The following NEO1 variants were observed in gnomAD, a reference collection of about 807,000 sequenced individuals.
The protein encoded by NEO1 is neogenin 1, also known as neogenin.
NEO1 carries 63 observed loss-of-function variants against 159.7 expected under a neutral mutation model. That is an observed-to-expected ratio of 0.39 (90% confidence interval 0.32 to 0.49). NEO1 has a LOEUF of 0.49. Among genes scored for constraint, NEO1 ranks in the 20% least tolerant of loss-of-function variants. The pLI is 0.85. For missense variants in NEO1, 1,615 were observed against 1,831.0 expected, an observed-to-expected ratio of 0.88 and a Z score of 2.15; for synonymous variants, 633 against 662.0, an observed-to-expected ratio of 0.96 and a Z score of 0.67.
At chr15:73,183,024 C>T (rs1055070473) in intron 7 of NEO1, among the ~76,000 whole-genome samples, 5 of 152,182 alleles carry the variant, frequency 3.3e-5, no homozygotes, top group Non-Finnish European at 7.4e-5. Context: ...GCAAGGCCAA[C>T]TATGGCCTAA....
intron 7 of NEO1, among the ~76,000 whole-genome samples, chr15:73,186,966 C>CTCTG (rs1448716919): frequency 6.6e-6 from 1 of 152,158 alleles, no homozygotes; most frequent in Non-Finnish European, 1.5e-5. Flanking sequence ...AATATGCTTA[C>CTCTG]TCTGGTCTAA....
At position 73,139,612 on chromosome 15, in the gene NEO1, A is replaced by T. The variant is rs549960658; in HGVS notation, c.1015+3585A>T. 3.3e-5 allele frequency among the ~76,000 whole-genome samples: 5 copies of T among 152,366 alleles called. No homozygotes were observed. The South Asian group carries it at 1.0e-3, about 32-fold the overall frequency. On this transcript the variant is annotated intron_variant, in intron 5 of 28. Transcript: ENST00000261908. ...TCTAGACCCGGGGTTGGCAGAGTAC[A>T]GCTTGTGGGCTAAATCTTCCTGACT...
At chr15:73,268,852 A>G (rs1170011493) in intron 16 of NEO1, among the ~76,000 whole-genome samples, 4 of 152,200 alleles carry the variant, frequency 2.6e-5, no homozygotes, top group African/African-American at 9.7e-5. Flanking sequence ...CTCCATGAGT[A>G]TAGACTTTCC....
chr15:73,266,731 T>C (rs912575819), intron 16 of NEO1, among the ~76,000 whole-genome samples: 4 of 152,272 alleles, frequency 2.6e-5, no homozygotes, highest in Admixed American at 2.6e-4. Flanking sequence ...GAGTTGAAAC[T>C]AAAGTGAGTC....
At chr15:73,083,269 G>T (rs2069167413) in intron 1 of NEO1, among the ~76,000 whole-genome samples, 1 of 152,116 alleles carries the variant, frequency 6.6e-6, no homozygotes, top group South Asian at 2.1e-4. Flanking sequence ...GGACTAGAGA[G>T]TGTAAATGGG....
intron 7 of NEO1, among the ~76,000 whole-genome samples, chr15:73,202,456 T>G (rs957457086): frequency 6.6e-6 from 1 of 152,178 alleles, no homozygotes; most frequent in Admixed American, 6.6e-5. Context: ...GGATGGGGCA[T>G]AAGAGGAGCA....
Position 73,122,874 on chromosome 15 carries a change from AAAT to A in NEO1, c.724+78_724+80del, listed in dbSNP as rs1397714636. Reference sequence around the variant, plus strand: ...AACATTGTTCTGTTAGAATTTTTAAAAATAATGAATGTTGGCCGGGCGCAGTGG... The same window carrying A: ...AACATTGTTCTGTTAGAATTTTTAAAAATGAATGTTGGCCGGGCGCAGTGG... On this transcript the variant is annotated intron_variant, in intron 3 of 28. Coordinates refer to ENST00000261908, the MANE Select transcript of NEO1 (RefSeq NM_002499.4). 12 of 1,563,676 alleles carry A rather than the reference AAAT, an allele frequency of 7.7e-6. No homozygotes were observed. The East Asian group carries it at 2.7e-4, about 35-fold the overall frequency.
chr15:73,249,531 A>T, intron 10 of NEO1, 52 bp from the exon 11 acceptor site: 1 of 1,515,136 alleles, frequency 6.6e-7, no homozygotes, highest in South Asian at 1.4e-5. Context: ...TTAATTTTCA[A>T]CTTTTCTTTT....
rs77984848 is a variant in NEO1 at position 73,274,433 on chromosome 15, A to G, written c.3161-259A>G. The stretch of plus-strand genomic sequence containing the variant: ...AGAGACTAAAAAGAGCCTTTTAAAT[A>G]AAACCCTAGATAAGAAAATGAAGAT... On this transcript the variant is annotated intron_variant, in intron 20 of 28. Coordinates refer to ENST00000261908, the MANE Select transcript of NEO1 (RefSeq NM_002499.4). Among the ~76,000 whole-genome samples the G allele has an allele frequency of 8.6e-3, 1,316 of 152,336 alleles. 22 individuals are homozygous for G. The highest frequency in any genetic ancestry group is 0.03 in the African/African-American group (1,244 of 41,576).
intron 5 of NEO1, among the ~76,000 whole-genome samples, chr15:73,146,479 A>G (rs2032908684): frequency 6.6e-6 from 1 of 152,204 alleles, no homozygotes. Flanking sequence ...AGTCTTTACA[A>G]TTGCTTTATA....
chr15:73,178,308 A>T lies in NEO1; in HGVS notation c.1172A>T (p.Lys391Met). 4 of 1,611,142 alleles carry T rather than the reference A, an allele frequency of 2.5e-6. No individual in the cohort carries two copies. The highest frequency in any genetic ancestry group is 3.4e-6 in the Non-Finnish European group (4 of 1,178,162). ...TTTATTTATGCTTTTCTTCTTCAGAAGGAACATAATCTTCAAGTTTTGGGT... is the reference window on the plus strand; with the variant it reads ...TTTATTTATGCTTTTCTTCTTCAGATGGAACATAATCTTCAAGTTTTGGGT... ...VIPSDYFKIV[K>M]EHNLQVLGLV... The change falls in exon 7 of 29, where the codon AAG becomes ATG. Residue 391 changes from lysine to methionine, a missense_variant and splice_region_variant. Around this residue, in one of 3 missense-constraint regions of NEO1, gnomAD observed 1,018 missense variants for 1,115.4 expected, o/e 0.91. Coordinates refer to ENST00000261908, the MANE Select transcript of NEO1 (RefSeq NM_002499.4).
intron 1 of NEO1, among the ~76,000 whole-genome samples, chr15:73,115,404 ATTTG>A (rs1477624169): frequency 1.3e-5 from 2 of 152,186 alleles, no homozygotes; most frequent in African/African-American, 4.8e-5. Context: ...TAGAATTAGA[ATTTG>A]TTTATCATTG....
rs1487809660 is a variant in NEO1, at chr15:73,278,187, C to T, written c.3250C>T (p.Pro1084Ser). ...RLPDLGSDYKPPMSGSNSPHG... is the reference protein window; with the variant it reads ...RLPDLGSDYKSPMSGSNSPHG... ...GCCAGACCTAGGATCCGACTACAAA[C>T]CTCCAATGAGCGGTAAAGCCTTTCC... is the stretch of plus-strand genomic sequence containing the variant. Residue 1084 changes from proline to serine, a missense_variant, in exon 22 of 29, where the codon CCT becomes TCT. By Grantham distance (74) the Pro-to-Ser change is moderately conservative. Coordinates refer to ENST00000261908, the MANE Select transcript of NEO1 (RefSeq NM_002499.4). 1.7e-5 allele frequency: 27 copies of T among 1,612,870 alleles called. No homozygotes were observed. The highest frequency in any genetic ancestry group is 2.3e-5 in the Non-Finnish European group (27 of 1,179,112).
intron 7 of NEO1, among the ~76,000 whole-genome samples, chr15:73,183,297 T>G (rs1214697298): frequency 4.0e-5 from 6 of 151,678 alleles, no homozygotes; most frequent in Non-Finnish European, 7.4e-5. Flanking sequence ...CTCAAACCAG[T>G]GGGGGAGGGG....
rs138573240 is a variant in NEO1 at position 73,295,698 on chromosome 15, C to T, written c.3901+2150C>T. Among the ~76,000 whole-genome samples the T allele has an allele frequency of 2.2e-3, 337 of 152,264 alleles. 4 individuals are homozygous for T. The highest frequency in any genetic ancestry group is 3.5e-3 in the East Asian group (18 of 5,182). ...TATAGAGCAAGTATCCAGAAATGAT[C>T]AAAGTTCTTTTTCACGATTGTACTT... On this transcript the variant is annotated intron_variant, in intron 26 of 28. Transcript: ENST00000261908.
chr15:73,119,587 G>T (rs2071514580), intron 2 of NEO1, among the ~76,000 whole-genome samples: 1 of 152,160 alleles, frequency 6.6e-6, no homozygotes, highest in Non-Finnish European at 1.5e-5. Flanking sequence ...TCAACTCCGG[G>T]TCTTAACTCC....
intron 8 of NEO1, among the ~76,000 whole-genome samples, chr15:73,237,504 A>G (rs1224891790): frequency 6.6e-6 from 1 of 152,242 alleles, no homozygotes; most frequent in Non-Finnish European, 1.5e-5. Context: ...GTGTTTTAGT[A>G]GGAGCCCTAA....
At chr15:73,141,383 C>T (rs2032370454) in intron 5 of NEO1, among the ~76,000 whole-genome samples, 1 of 152,180 alleles carries the variant, frequency 6.6e-6, no homozygotes, top group Non-Finnish European at 1.5e-5. Flanking sequence ...GGAGTTTCTA[C>T]ACATGCAGTG....
intron 7 of NEO1, among the ~76,000 whole-genome samples, chr15:73,217,172 T>C (rs2037941658): frequency 6.7e-6 from 1 of 149,754 alleles, no homozygotes. Flanking sequence ...CCCAGCACTA[T>C]TTATTAAATA....
Sources: gnomAD v4.1 joint callset for allele counts (sites outside exome capture counted in the v4.1 genomes callset) on GRCh38, gnomAD v4.1.1 for gene constraint, gnomAD v4.1.1 regional missense constraint, MANE v1.5 for transcripts, NCBI Gene and HGNC (gene_info 2026-07-23, HGNC 2026-07-21) for gene names.